Variants in GNA12 observed in about 807,000 individuals in gnomAD.
GNA12 encodes G protein subunit alpha 12.
Under a neutral mutation model 26.0 loss-of-function variants are expected in GNA12, and 9 were observed. The observed-to-expected ratio is 0.35, with a 90% CI of 0.21 to 0.60. The LOEUF (loss-of-function observed/expected upper bound fraction) is 0.60. Among genes scored for constraint, GNA12 ranks in the 20% least tolerant of loss-of-function variants. The pLI is 0.78. For synonymous variants in GNA12, 264 were observed against 219.6 expected (o/e 1.20, Z -1.79); for missense variants, 405 against 525.8 (o/e 0.77, Z 2.25).
intron 2 of GNA12, among the ~76,000 whole-genome samples, chr7:2,790,681 C>A (rs1792494615): frequency 6.6e-6 from 1 of 152,210 alleles, no homozygotes; most frequent in Non-Finnish European, 1.5e-5. Flanking sequence ...TTCAAAGGTA[C>A]ACCAAGGCTG....
rs1317020597 is a variant in GNA12 at position 2,737,269 on chromosome 7, G to GTTT, written c.526-3771_526-3769dup. Among the ~76,000 whole-genome samples, 293 of 38,110 alleles carry GTTT rather than the reference G, an allele frequency of 7.7e-3. 38 individuals carry two copies. Among genetic ancestry groups the GTTT allele is most frequent in the East Asian group, 0.013 (13 of 1,004 alleles). The allele number at this position is 38,110 out of a possible 152,430, so 25.0% of individuals were successfully genotyped here. On this transcript the variant is annotated intron_variant, in intron 2 of 3. Transcript: ENST00000275364. ...CATTCAGGAGCTATCTCACAGTTTT[G>GTTT]TTTTGTTTTTTTTTTTTTTGTTTTT...
In GNA12 at chr7:2,729,692, G is replaced by T; in HGVS notation, c.*1489C>A. On this transcript the variant is annotated 3_prime_UTR_variant, in exon 4 of 4. Transcript: ENST00000275364. The stretch of plus-strand genomic sequence containing the variant: ...AGCACGGCCTCGGGACGAGGGCCCT[G>T]GGATATGTGACTGAGCCACAGCAAC... 1 of 152,510 alleles carries T rather than the reference G, an allele frequency of 6.6e-6. No homozygotes were observed. Among genetic ancestry groups the T allele is most frequent in the Non-Finnish European group, 1.5e-5 (1 of 68,058 alleles). 9.4% of individuals were successfully genotyped at this position (152,510 alleles called of 1,614,324 possible). A position where few individuals can be genotyped will look rare whatever the true frequency, so the allele number is the denominator to read the frequency against.
chr7:2,754,161 G>A (rs1053871220), intron 2 of GNA12, among the ~76,000 whole-genome samples: 5 of 152,212 alleles, frequency 3.3e-5, no homozygotes, highest in South Asian at 2.1e-4. Flanking sequence ...TTGTATCTGT[G>A]TTAATAGGTG....
intron 1 of GNA12, among the ~76,000 whole-genome samples, chr7:2,826,861 C>T (rs563938828): frequency 1.8e-4 from 27 of 152,254 alleles, no homozygotes; most frequent in South Asian, 4.1e-4. Context: ...GATGCCATAA[C>T]GGTGGAGACA....
chr7:2,764,447 C>T (rs796923032), intron 2 of GNA12, among the ~76,000 whole-genome samples: 2 of 152,152 alleles, frequency 1.3e-5, no homozygotes, highest in African/African-American at 2.4e-5. Flanking sequence ...GTTGAGATTC[C>T]GTATGAAGTC....
intron 1 of GNA12, among the ~76,000 whole-genome samples, chr7:2,842,021 A>G (rs543954039): frequency 8.5e-6 from 1 of 117,786 alleles, no homozygotes; most frequent in African/African-American, 2.8e-5. Flanking sequence ...GGGAGAAAGG[A>G]AGGGAGGAAG....
intron 1 of GNA12, chr7:2,814,896 G>C: frequency 6.2e-7 from 1 of 1,601,994 alleles, no homozygotes; most frequent in Non-Finnish European, 8.5e-7. Flanking sequence ...AGGCATCCTT[G>C]CTAGGCACGG....
At position 2,834,370 on chromosome 7, in the gene GNA12, T is replaced by G. The variant is rs143328672; in HGVS notation, c.309+9483A>C. Among the ~76,000 whole-genome samples the G allele has an allele frequency of 1.9e-3, 290 of 152,324 alleles. 4 individuals carry two copies. The East Asian group carries it at 0.025, about 13-fold the overall frequency. On this transcript the variant is annotated intron_variant, in intron 1 of 3. Coordinates refer to ENST00000275364, the MANE Select transcript of GNA12 (RefSeq NM_007353.3). ...GCCAGAATTAATCTTCCCACTGGCC[T>G]CCTGCAACACCTCTCCAGTGGCATT...
intron 2 of GNA12, among the ~76,000 whole-genome samples, chr7:2,767,995 C>G (rs530374676): frequency 8.5e-5 from 13 of 152,208 alleles, no homozygotes; most frequent in African/African-American, 3.1e-4. Context: ...GCTGGGACTA[C>G]GGGCACATGC....
chr7:2,737,583 C>T (rs555717555), intron 2 of GNA12, among the ~76,000 whole-genome samples: 2 of 152,224 alleles, frequency 1.3e-5, no homozygotes, highest in East Asian at 1.9e-4. Flanking sequence ...GCCACAGCGC[C>T]CGGCCCTGTC....
At chr7:2,805,258 T>C (rs1792916647) in intron 1 of GNA12, among the ~76,000 whole-genome samples, 2 of 152,274 alleles carry the variant, frequency 1.3e-5, no homozygotes, top group African/African-American at 2.4e-5. Flanking sequence ...TGAACGACAC[T>C]GTGTTAAGTA....
Position 2,729,132 on chromosome 7 carries a change from C to T in GNA12, c.*2049G>A, listed in dbSNP as rs1789755887. 1.3e-5 allele frequency: 2 copies of T among 152,434 alleles called. No individual in the cohort carries two copies. Among genetic ancestry groups the T allele is most frequent in the Admixed American group, 1.3e-4 (2 of 15,290 alleles). 9.4% of individuals were successfully genotyped at this position (152,434 alleles called of 1,614,324 possible). Reference sequence around the variant, plus strand: ...ACGCGAATCACAGCGCTGCTGTCGCCAACAGCGCCGCGAAGAGGCTCTCCC... The same window carrying T: ...ACGCGAATCACAGCGCTGCTGTCGCTAACAGCGCCGCGAAGAGGCTCTCCC... On this transcript the variant is annotated 3_prime_UTR_variant, in exon 4 of 4. Coordinates refer to ENST00000275364, the MANE Select transcript of GNA12 (RefSeq NM_007353.3).
chr7:2,733,958 A>G (rs1486104833), intron 2 of GNA12, among the ~76,000 whole-genome samples: 1 of 152,266 alleles, frequency 6.6e-6, no homozygotes, highest in Non-Finnish European at 1.5e-5. Context: ...CATCCTGACG[A>G]AAAGGAGCAT....
At chr7:2,784,966 G>C (rs1181519096) in intron 2 of GNA12, among the ~76,000 whole-genome samples, 1 of 151,974 alleles carries the variant, frequency 6.6e-6, no homozygotes, top group African/African-American at 2.4e-5. Context: ...TTTTTACCCT[G>C]GGCCACTATG....
chr7:2,735,412 G>A (rs904618851), intron 2 of GNA12, among the ~76,000 whole-genome samples: 4 of 152,144 alleles, frequency 2.6e-5, no homozygotes, highest in African/African-American at 9.7e-5. Flanking sequence ...TGGCACAGAT[G>A]CCCCAGCCAG....
At chr7:2,743,721 A>T (rs965552214) in intron 2 of GNA12, among the ~76,000 whole-genome samples, 1 of 152,162 alleles carries the variant, frequency 6.6e-6, no homozygotes, top group African/African-American at 2.4e-5. Flanking sequence ...AAGCAGGGCG[A>T]GGCACTGCCT....
At chr7:2,751,367 G>A (rs1031147894) in intron 2 of GNA12, among the ~76,000 whole-genome samples, 1 of 149,424 alleles carries the variant, frequency 6.7e-6, no homozygotes, top group Non-Finnish European at 1.5e-5. Flanking sequence ...ATCCAGTATA[G>A]GCAACAGAGC....
chr7:2,815,338 G>T (rs896688306), intron 1 of GNA12: 52 of 196,712 alleles, frequency 2.6e-4, no homozygotes, highest in African/African-American at 1.2e-3. Flanking sequence ...GCAGGGGCAG[G>T]AGGAGCTTTC....
chr7:2,784,167 A>G (rs548363203), intron 2 of GNA12, among the ~76,000 whole-genome samples: 1 of 152,202 alleles, frequency 6.6e-6, no homozygotes, highest in African/African-American at 2.4e-5. Flanking sequence ...ACTGAGGCTG[A>G]GGTGCAATGG....
Sources: gnomAD v4.1 joint callset for allele counts (sites outside exome capture counted in the v4.1 genomes callset) on GRCh38, gnomAD v4.1.1 for gene constraint, MANE v1.5 for transcripts, NCBI Gene and HGNC (gene_info 2026-07-23, HGNC 2026-07-21) for gene names.